PIWIL2: variants seen among roughly 807,000 people sequenced by gnomAD.
PIWIL2 encodes the protein piwi like RNA-mediated gene silencing 2.
Under a neutral mutation model 116.5 loss-of-function variants are expected in PIWIL2, and 81 were observed. The ratio of observed to expected loss-of-function variants is 0.70; its 90% CI spans 0.58 to 0.84. PIWIL2 has a LOEUF of 0.84. PIWIL2 is among the 40% of genes least tolerant of loss of function. The pLI is 0.00. For synonymous variants in PIWIL2, 489 were observed against 429.5 expected (o/e 1.14, Z -1.71); for missense variants, 1,272 against 1,212.3 (o/e 1.05, Z -0.73).
At chr8:22,335,694 T>G (rs1180890594) in intron 20 of PIWIL2, among the ~76,000 whole-genome samples, 1 of 152,020 alleles carries the variant, frequency 6.6e-6, no homozygotes, top group Non-Finnish European at 1.5e-5. Flanking sequence ...ATTACAGGTG[T>G]ACACTACCAC....
At chr8:22,322,286 T>C (rs1205351602) in intron 20 of PIWIL2, among the ~76,000 whole-genome samples, 1 of 152,034 alleles carries the variant, frequency 6.6e-6, no homozygotes, top group Non-Finnish European at 1.5e-5. Context: ...AGGGTTGCTC[T>C]GTTGCCTGGG....
At chr8:22,335,680 T>A (rs1378758686) in intron 20 of PIWIL2, among the ~76,000 whole-genome samples, 2 of 151,722 alleles carry the variant, frequency 1.3e-5, no homozygotes, top group Non-Finnish European at 2.9e-5. Context: ...CCCGAATAGC[T>A]GGGATTACAG....
chr8:22,347,244 A>G (rs925910228), intron 20 of PIWIL2, among the ~76,000 whole-genome samples: 44 of 141,028 alleles, frequency 3.1e-4, no homozygotes, highest in African/African-American at 1.2e-3. Flanking sequence ...ACAGAGTCTC[A>G]CTCTGTCACC....
intron 8 of PIWIL2, among the ~76,000 whole-genome samples, chr8:22,289,631 A>G (rs2131998480): frequency 6.6e-6 from 1 of 152,338 alleles, no homozygotes; most frequent in East Asian, 1.9e-4. Flanking sequence ...GTAAGTGGAA[A>G]AGACTGCTGT....
chr8:22,292,799 C>G (rs1830794860), intron 10 of PIWIL2, among the ~76,000 whole-genome samples: 3 of 152,306 alleles, frequency 2.0e-5, no homozygotes, highest in East Asian at 1.9e-4. Flanking sequence ...GAGGGGACAT[C>G]TTTATCATAC....
At position 22,351,278 on chromosome 8, in the gene PIWIL2, ACTGCAGTCTAAC is replaced by A. The variant is rs533542354; in HGVS notation, c.2404-1677_2404-1666del. 4.6e-5 allele frequency among the ~76,000 whole-genome samples: 7 copies of A among 150,986 alleles called. No homozygotes were observed. The South Asian group carries it at 8.4e-4, about 18-fold the overall frequency. On this transcript the variant is annotated intron_variant, in intron 20 of 22. Transcript: ENST00000356766. ...AAGCTGCAGTGGCTATGATTACACC[ACTGCAGTCTAAC>A]CTGAGCAACAGAGTGAGACCTCAAT...
intron 13 of PIWIL2, among the ~76,000 whole-genome samples, chr8:22,306,660 T>C (rs1831188418): frequency 6.6e-6 from 1 of 152,230 alleles, no homozygotes; most frequent in Admixed American, 6.5e-5. Flanking sequence ...CATGTCTGTC[T>C]TAGACCCATA....
intron 19 of PIWIL2, 110 bp downstream of exon 19, chr8:22,316,443 CT>C: frequency 1.4e-6 from 1 of 713,190 alleles, no homozygotes; most frequent in East Asian, 2.8e-5. Flanking sequence ...ATAAAGATTT[CT>C]AAACATTTTC....
intron 20 of PIWIL2, among the ~76,000 whole-genome samples, chr8:22,341,882 A>G (rs1462743217): frequency 6.6e-6 from 1 of 152,142 alleles, no homozygotes; most frequent in African/African-American, 2.4e-5. Flanking sequence ...CTATGTAGAA[A>G]ATCCCAAGAA....
At chr8:22,280,912 T>C (rs1830484236) in intron 2 of PIWIL2, among the ~76,000 whole-genome samples, 1 of 152,200 alleles carries the variant, frequency 6.6e-6, no homozygotes, top group Non-Finnish European at 1.5e-5. Context: ...ACTGTACACA[T>C]CAAATCATGG....
chr8:22,303,150 A>T (rs1831090839), intron 10 of PIWIL2, among the ~76,000 whole-genome samples: 1 of 152,248 alleles, frequency 6.6e-6, no homozygotes, highest in South Asian at 2.1e-4. Flanking sequence ...GGCAGCAGGA[A>T]ATAGTCCCTT....
rs1368770565 is a variant in PIWIL2, at chr8:22,275,379, G to C, written c.-66G>C. 5 of 152,546 alleles carry C rather than the reference G, an allele frequency of 3.3e-5. No individual in the cohort carries two copies. The highest frequency in any genetic ancestry group is 1.2e-4 in the African/African-American group (5 of 41,464). The allele number at this position is 152,546 out of a possible 1,614,324, so 9.4% of individuals were successfully genotyped here. On this transcript the variant is annotated 5_prime_UTR_variant, in exon 1 of 23. Transcript: ENST00000356766. Reference sequence around the variant, plus strand: ...GAGGCCGCGCGGAGCTGGGCGACTGGGGCGAGGACTCGCGCACAGGTGAGT... The same window carrying C: ...GAGGCCGCGCGGAGCTGGGCGACTGCGGCGAGGACTCGCGCACAGGTGAGT...
rs117400903 is a variant in PIWIL2, at chr8:22,343,313, A to G, written c.2404-9646A>G. 2.6e-4 allele frequency among the ~76,000 whole-genome samples: 39 copies of G among 152,312 alleles called. No homozygotes were observed. In the East Asian group the frequency reaches 6.7e-3, roughly 26 times the overall value. ...TGTAATCCTGGTGGCGCATGCCTGTAATCGCAGCTACTCGGGAAGGCTGAG... is the reference window on the plus strand; with the variant it reads ...TGTAATCCTGGTGGCGCATGCCTGTGATCGCAGCTACTCGGGAAGGCTGAG... On this transcript the variant is annotated intron_variant, in intron 20 of 22. Transcript: ENST00000356766.
At position 22,279,598 on chromosome 8, in the gene PIWIL2, C is replaced by T. The variant is rs202243831; in HGVS notation, c.198+14C>T. ...CCAGCACAAAGGGTAAGACCACTTCCGGATGCATAGGAGTGGCATACAGCT... is the reference window on the plus strand; with the variant it reads ...CCAGCACAAAGGGTAAGACCACTTCTGGATGCATAGGAGTGGCATACAGCT... On this transcript the variant is annotated intron_variant, in intron 2 of 22. Transcript: ENST00000356766. 1,291 of 1,610,002 alleles carry T rather than the reference C, an allele frequency of 8.0e-4. 20 individuals carry two copies. In the South Asian group the frequency reaches 0.013, roughly 16 times the overall value.
At chr8:22,283,318 A>G (rs1830556629) in intron 5 of PIWIL2, 78 bp downstream of exon 5, 1 of 1,180,008 alleles carries the variant, frequency 8.5e-7, no homozygotes, top group Non-Finnish European at 1.2e-6. Context: ...TAGTATTGTA[A>G]AATCTGTTTG....
At chr8:22,339,532 C>T (rs755745510) in intron 20 of PIWIL2, among the ~76,000 whole-genome samples, 5 of 151,794 alleles carry the variant, frequency 3.3e-5, no homozygotes, top group South Asian at 2.1e-4. Flanking sequence ...CAACTGTAGA[C>T]GGCAACATAG....
intron 4 of PIWIL2, among the ~76,000 whole-genome samples, chr8:22,282,495 T>A (rs904785933): frequency 5.9e-5 from 9 of 151,850 alleles, no homozygotes; most frequent in Non-Finnish European, 1.2e-4. Flanking sequence ...GCCGTGGTGA[T>A]TCTTTAATAA....
intron 12 of PIWIL2, 48 bp downstream of exon 12, chr8:22,304,916 T>C (rs1286174361): frequency 7.9e-7 from 1 of 1,266,124 alleles, no homozygotes; most frequent in South Asian, 1.2e-5. Flanking sequence ...TTCTTCATCC[T>C]GTCAGCTGCT....
chr8:22,347,671 C>T (rs543590438), intron 20 of PIWIL2, among the ~76,000 whole-genome samples: 11 of 151,934 alleles, frequency 7.2e-5, no homozygotes, highest in South Asian at 4.2e-4. Flanking sequence ...GGATTACAGG[C>T]GCCTGCCAGC....
Sources: gnomAD v4.1 joint callset for allele counts (sites outside exome capture counted in the v4.1 genomes callset) on GRCh38, gnomAD v4.1.1 for gene constraint, MANE v1.5 for transcripts, NCBI Gene and HGNC (gene_info 2026-07-23, HGNC 2026-07-21) for gene names.